Variants in LCORL observed in about 807,000 individuals in gnomAD.
LCORL encodes the protein ligand-dependent nuclear receptor corepressor-like protein.
Under a neutral mutation model 141.8 loss-of-function variants are expected in LCORL, and 41 were observed. The ratio of observed to expected loss-of-function variants is 0.29; its 90% CI spans 0.23 to 0.38. The LOEUF (loss-of-function observed/expected upper bound fraction) is 0.38, where lower values mean the gene tolerates loss of function less well. Among genes scored for constraint, LCORL ranks in the 10% least tolerant of loss-of-function variants. The probability of loss-of-function intolerance (pLI) is 1.00; values close to 1 mark genes in which losing one functional copy is unlikely to be tolerated. For missense variants in LCORL, 1,759 were observed against 2,035.0 expected, an observed-to-expected ratio of 0.86 and a Z score of 2.61; for synonymous variants, 618 against 694.1, an observed-to-expected ratio of 0.89 and a Z score of 1.72.
intron 5 of LCORL, among the ~76,000 whole-genome samples, chr4:17,892,749 C>G (rs1203477597): frequency 6.6e-6 from 1 of 152,130 alleles, no homozygotes; most frequent in Non-Finnish European, 1.5e-5. Flanking sequence ...CCACTTTAGA[C>G]TTATTGTAAT....
At chr4:17,988,968 A>G (rs762687498) in intron 1 of LCORL, among the ~76,000 whole-genome samples, 1 of 152,248 alleles carries the variant, frequency 6.6e-6, no homozygotes, top group Non-Finnish European at 1.5e-5. Context: ...TGGGGGACAG[A>G]GTGAGACTCC....
chr4:17,853,822 G>C (rs1012805435), intron 7 of LCORL, among the ~76,000 whole-genome samples: 3 of 152,184 alleles, frequency 2.0e-5, no homozygotes, highest in Non-Finnish European at 2.9e-5. Flanking sequence ...CTAGATGAGA[G>C]AACCTTCATG....
intron 1 of LCORL, among the ~76,000 whole-genome samples, chr4:18,002,404 G>GAA (rs1163228941): frequency 7.1e-6 from 1 of 140,628 alleles, no homozygotes. Flanking sequence ...TCTCACAAAA[G>GAA]AAAAAAAAAA....
intron 6 of LCORL, chr4:17,880,798 C>A: frequency 1.1e-6 from 1 of 914,594 alleles, no homozygotes. Context: ...AATTACAGTA[C>A]ATTTACAACA....
intron 7 of LCORL, among the ~76,000 whole-genome samples, chr4:17,867,523 C>T (rs551625902): frequency 2.0e-5 from 3 of 152,270 alleles, no homozygotes; most frequent in African/African-American, 7.2e-5. Flanking sequence ...AGAATTAAAT[C>T]TATGTCTGAA....
chr4:17,975,676 G>A (rs151250513), intron 1 of LCORL, among the ~76,000 whole-genome samples: 205 of 152,226 alleles, frequency 1.3e-3, no homozygotes, highest in African/African-American at 3.5e-3. Flanking sequence ...GATTACAGAC[G>A]TGAGCCACTG....
At chr4:17,867,799 G>A (rs1479900924) in intron 7 of LCORL, among the ~76,000 whole-genome samples, 1 of 152,068 alleles carries the variant, frequency 6.6e-6, no homozygotes, top group Admixed American at 6.6e-5. Context: ...AGTTGAGAAA[G>A]CAATGGAATA....
intron 1 of LCORL, among the ~76,000 whole-genome samples, chr4:17,982,251 T>C (rs967109729): frequency 6.6e-6 from 1 of 152,142 alleles, no homozygotes; most frequent in Admixed American, 6.5e-5. Flanking sequence ...CGTGCATGTG[T>C]CTTTACATAC....
At chr4:17,984,574 G>A (rs983300290) in intron 1 of LCORL, among the ~76,000 whole-genome samples, 9 of 151,934 alleles carry the variant, frequency 5.9e-5, no homozygotes, top group African/African-American at 2.2e-4. Flanking sequence ...GTTTGTAGTT[G>A]TCTCTGATGG....
chr4:17,845,635 A>G, exon 8 of LCORL: 1 of 907,444 alleles, frequency 1.1e-6, no homozygotes, highest in Non-Finnish European at 1.6e-6. Context: ...CAGGACTAGA[A>G]ATACTTCAAG....
rs547406466 is a variant in LCORL at position 17,900,513 on chromosome 4, T to C, written c.682+8581A>G. On this transcript the variant is annotated intron_variant, in intron 5 of 7. Transcript: ENST00000635767. ...ATGGAGGTCTTCCTCAACGATCTTA[T>C]CTAAAATAACCTCTCAGTCACTTTT... Among the ~76,000 whole-genome samples, 275 of 152,322 alleles carry C rather than the reference T, an allele frequency of 1.8e-3. 3 individuals are homozygous for C. The highest frequency in any genetic ancestry group is 2.8e-3 in the Non-Finnish European group (188 of 68,024).
intron 4 of LCORL, among the ~76,000 whole-genome samples, chr4:17,942,872 C>T (rs971875330): frequency 3.6e-5 from 5 of 139,884 alleles, no homozygotes; most frequent in East Asian, 2.0e-4. Context: ...TGAGCATTAC[C>T]GCCTGAGTTT....
chr4:17,990,075 G>GA lies in LCORL; in HGVS notation c.155-17191dup, dbSNP rs1290910253. Among the ~76,000 whole-genome samples the GA allele has an allele frequency of 4.4e-4, 62 of 139,376 alleles. No homozygotes were observed. The Middle Eastern group carries it at 0.016, about 35-fold the overall frequency. The allele number at this position is 139,376 out of a possible 152,430, so 91.4% of individuals were successfully genotyped here. A position where few individuals can be genotyped will look rare whatever the true frequency, so the allele number is the denominator to read the frequency against. On this transcript the variant is annotated intron_variant, in intron 1 of 7. Coordinates refer to ENST00000635767, the Ensembl canonical transcript of LCORL. The stretch of plus-strand genomic sequence containing the variant: ...CCCACTTCGTCTTCTACCACCAGCA[G>GA]AAAAAAAGAAAACTCTCTGCGTTTT...
intron 4 of LCORL, among the ~76,000 whole-genome samples, chr4:17,931,935 T>A (rs1394500900): frequency 2.0e-5 from 3 of 152,156 alleles, no homozygotes; most frequent in Admixed American, 1.3e-4. Flanking sequence ...TTCTCTGTAG[T>A]TTCTGTTTAG....
intron 5 of LCORL, among the ~76,000 whole-genome samples, chr4:17,889,823 T>C (rs901857944): frequency 5.3e-5 from 8 of 152,096 alleles, no homozygotes; most frequent in African/African-American, 1.9e-4. Flanking sequence ...AATGGAGATA[T>C]AACTAGATTT....
chr4:17,866,772 C>T (rs1040859291), intron 7 of LCORL, among the ~76,000 whole-genome samples: 18 of 151,922 alleles, frequency 1.2e-4, no homozygotes, highest in African/African-American at 4.1e-4. Context: ...AGCTCCATGA[C>T]AAGAAAACTG....
intron 5 of LCORL, among the ~76,000 whole-genome samples, chr4:17,894,977 T>C (rs1729674222): frequency 6.6e-6 from 1 of 151,120 alleles, no homozygotes; most frequent in South Asian, 2.1e-4. Context: ...GTTGTAAAGT[T>C]CTCAAAATAA....
At chr4:17,965,439 T>C (rs1714674543) in intron 2 of LCORL, among the ~76,000 whole-genome samples, 1 of 152,136 alleles carries the variant, frequency 6.6e-6, no homozygotes, top group Admixed American at 6.6e-5. Flanking sequence ...AAGATACTCA[T>C]CTCTAAAAGA....
At chr4:18,001,976 T>C (rs553385523) in intron 1 of LCORL, among the ~76,000 whole-genome samples, 1 of 150,688 alleles carries the variant, frequency 6.6e-6, no homozygotes, top group South Asian at 2.1e-4. Flanking sequence ...TCCACACACA[T>C]ATGTTTGTTT....
Sources: gnomAD v4.1 joint callset for allele counts (sites outside exome capture counted in the v4.1 genomes callset) on GRCh38, gnomAD v4.1.1 for gene constraint, MANE v1.5 for transcripts, NCBI Gene and HGNC (gene_info 2026-07-23, HGNC 2026-07-21) for gene names.